Variants in INSC observed in about 807,000 individuals in gnomAD.
INSC encodes INSC spindle orientation adaptor protein.
INSC carries 67 observed loss-of-function variants against 58.6 expected under a neutral mutation model. That is an observed-to-expected ratio of 1.14 (90% CI 0.94 to 1.40). INSC has a LOEUF of 1.40. Among genes scored for constraint, INSC ranks in the 40% most tolerant of loss-of-function variants. INSC has a pLI of 0.00. For missense variants in INSC, 714 were observed against 692.0 expected, an observed-to-expected ratio of 1.03 and a Z score of -0.36; for synonymous variants, 262 against 276.1, an observed-to-expected ratio of 0.95 and a Z score of 0.51.
chr11:15,200,373 G>A (rs1850536915), intron 6 of INSC, among the ~76,000 whole-genome samples: 1 of 152,084 alleles, frequency 6.6e-6, no homozygotes, highest in Non-Finnish European at 1.5e-5. Context: ...GGTGACTGTT[G>A]GCAGAGGGAG....
chr11:15,234,380 G>A (rs1852040958), intron 9 of INSC, among the ~76,000 whole-genome samples: 1 of 152,174 alleles, frequency 6.6e-6, no homozygotes, highest in Non-Finnish European at 1.5e-5. Context: ...TTTAAAAGAA[G>A]ACATTTTTAA....
intron 12 of INSC, among the ~76,000 whole-genome samples, chr11:15,244,273 T>A (rs539877612): frequency 6.6e-6 from 1 of 152,202 alleles, no homozygotes; most frequent in African/African-American, 2.4e-5. Context: ...GTCTATGGGG[T>A]AAACCACGCC....
intron 1 of INSC, among the ~76,000 whole-genome samples, chr11:15,122,119 TTAGGACATATATGTA>T (rs1189437984): frequency 1.3e-5 from 2 of 152,144 alleles, no homozygotes; most frequent in Non-Finnish European, 2.9e-5. Context: ...GCAAACAGAG[TTAGGACATATATGTA>T]TATTTATTTC....
At chr11:15,192,656 A>T (rs1850222232) in intron 6 of INSC, among the ~76,000 whole-genome samples, 1 of 152,222 alleles carries the variant, frequency 6.6e-6, no homozygotes. Flanking sequence ...ACTGAAGTTC[A>T]TCCGACCTTC....
downstream of INSC, among the ~76,000 whole-genome samples, chr11:15,249,615 A>T (rs1246872722): frequency 6.6e-6 from 1 of 152,214 alleles, no homozygotes; most frequent in Non-Finnish European, 1.5e-5. Context: ...ACTGCAGCAG[A>T]CTGTCAAAAT....
chr11:15,151,310 C>T (rs551050522), intron 2 of INSC, among the ~76,000 whole-genome samples: 145 of 152,284 alleles, frequency 9.5e-4, no homozygotes, highest in African/African-American at 3.4e-3. Flanking sequence ...CCCACAGCCT[C>T]CCTGCATGGA....
chr11:15,201,964 C>T (rs1850610731), intron 7 of INSC, among the ~76,000 whole-genome samples: 1 of 152,164 alleles, frequency 6.6e-6, no homozygotes, highest in South Asian at 2.1e-4. Context: ...GACAAATGGT[C>T]ATCTTACTTT....
the INSC span, among the ~76,000 whole-genome samples, chr11:15,262,363 T>G: frequency 4.6e-5 from 7 of 152,074 alleles, no homozygotes; most frequent in Non-Finnish European, 8.8e-5. Context: ...ATAAAGGCAT[T>G]TGATAAATCA....
intron 2 of INSC, among the ~76,000 whole-genome samples, chr11:15,158,171 T>A (rs1848883228): frequency 6.6e-6 from 1 of 152,094 alleles, no homozygotes; most frequent in Admixed American, 6.6e-5. Flanking sequence ...GGATTTAACC[T>A]GGCTGTGATT....
At chr11:15,256,094 G>A in the INSC span, among the ~76,000 whole-genome samples, 2 of 152,184 alleles carry the variant, frequency 1.3e-5, no homozygotes, top group African/African-American at 4.8e-5. Context: ...GAGCATGGGA[G>A]TCCCACTACA....
intron 5 of INSC, among the ~76,000 whole-genome samples, chr11:15,181,896 A>G (rs919874949): frequency 6.6e-6 from 1 of 152,180 alleles, no homozygotes; most frequent in Non-Finnish European, 1.5e-5. Flanking sequence ...GCAAATTTCA[A>G]TCTTTTTACT....
At chr11:15,219,146 C>T (rs189858446) in intron 7 of INSC, among the ~76,000 whole-genome samples, 285 of 152,252 alleles carry the variant, frequency 1.9e-3, no homozygotes, top group Non-Finnish European at 3.3e-3. Flanking sequence ...TCAAGCCTCT[C>T]TGGCAATTCT....
At chr11:15,224,974 T>G (rs1206997904) in intron 8 of INSC, among the ~76,000 whole-genome samples, 34 of 150,428 alleles carry the variant, frequency 2.3e-4, no homozygotes, top group Admixed American at 2.2e-3. Context: ...AGGGGTATAG[T>G]CTCTCTGTTT....
chr11:15,242,481 C>A (rs1852392491), intron 12 of INSC, among the ~76,000 whole-genome samples: 1 of 152,158 alleles, frequency 6.6e-6, no homozygotes, highest in Admixed American at 6.5e-5. Context: ...ATGAAACCCC[C>A]ATGGAACCTT....
chr11:15,178,093 C>A (rs909664229), intron 4 of INSC, among the ~76,000 whole-genome samples: 2 of 152,136 alleles, frequency 1.3e-5, no homozygotes, highest in African/African-American at 4.8e-5. Flanking sequence ...ATTCTGATGG[C>A]CTTTCTTCCT....
At chr11:15,181,243 A>G (rs1431336344) in intron 5 of INSC, among the ~76,000 whole-genome samples, 1 of 152,224 alleles carries the variant, frequency 6.6e-6, no homozygotes, top group African/African-American at 2.4e-5. Flanking sequence ...AGTATCTGGC[A>G]TAGAATGTTA....
At chr11:15,259,471 C>T in the INSC span, among the ~76,000 whole-genome samples, 1 of 152,250 alleles carries the variant, frequency 6.6e-6, no homozygotes, top group East Asian at 1.9e-4. Flanking sequence ...AAATGTTTCT[C>T]TTTTACTCCA....
At chr11:15,169,672 G>C (rs1849326028) in intron 2 of INSC, among the ~76,000 whole-genome samples, 1 of 152,054 alleles carries the variant, frequency 6.6e-6, no homozygotes, top group Non-Finnish European at 1.5e-5. Context: ...CTCCCGAGTA[G>C]CTGGGATTAC....
intron 2 of INSC, among the ~76,000 whole-genome samples, chr11:15,168,331 T>C (rs1174349432): frequency 6.8e-6 from 1 of 147,840 alleles, no homozygotes; most frequent in African/African-American, 2.5e-5. Flanking sequence ...TGTGTTCTCA[T>C]TGTTCAGCTC....
Sources: allele counts gnomAD v4.1 joint callset (sites outside exome capture counted in the v4.1 genomes callset), GRCh38; gene constraint gnomAD v4.1.1; transcripts MANE v1.5; gene names NCBI Gene and HGNC (gene_info 2026-07-23, HGNC 2026-07-21).